Variants in SEPTIN9 observed in about 807,000 individuals in gnomAD.
The protein encoded by SEPTIN9 is septin 9.
A neutral mutation model predicts 56.6 loss-of-function variants in SEPTIN9; 13 were observed. The ratio of observed to expected loss-of-function variants is 0.23; its 90% CI spans 0.15 to 0.37. SEPTIN9 has a LOEUF of 0.37. SEPTIN9 is among the 10% of genes least tolerant of loss of function. The probability of loss-of-function intolerance (pLI) is 1.00; values close to 1 mark genes in which losing one functional copy is unlikely to be tolerated. For missense variants in SEPTIN9, 650 were observed against 823.1 expected (o/e 0.79, Z 2.57); for synonymous variants, 332 against 334.1 (o/e 0.99, Z 0.07).
chr17:77,383,145 C>T (rs1407180907), intron 2 of SEPTIN9, among the ~76,000 whole-genome samples: 2 of 150,514 alleles, frequency 1.3e-5, no homozygotes, highest in Admixed American at 6.6e-5. Context: ...TCTCTCCCTC[C>T]CTCTTTCTTT....
chr17:77,468,722 C>T (rs916091723), intron 3 of SEPTIN9, among the ~76,000 whole-genome samples: 9 of 152,162 alleles, frequency 5.9e-5, no homozygotes, highest in East Asian at 1.9e-4. Context: ...AAACCAGTCA[C>T]GGCTTCATAG....
At chr17:77,309,702 G>A (rs1386902078) in intron 2 of SEPTIN9, among the ~76,000 whole-genome samples, 1 of 151,660 alleles carries the variant, frequency 6.6e-6, no homozygotes, top group African/African-American at 2.4e-5. Flanking sequence ...ATGACACCAT[G>A]ATCAACGCTT....
intron 3 of SEPTIN9, among the ~76,000 whole-genome samples, chr17:77,461,293 G>A (rs2038461987): frequency 6.6e-6 from 1 of 152,068 alleles, no homozygotes; most frequent in Admixed American, 6.6e-5. Context: ...ACGACAGAGT[G>A]AGACTCTGTC....
At chr17:77,410,071 G>A (rs528008884) in intron 3 of SEPTIN9, among the ~76,000 whole-genome samples, 1 of 152,176 alleles carries the variant, frequency 6.6e-6, no homozygotes, top group Non-Finnish European at 1.5e-5. Flanking sequence ...TCAGTCCAAG[G>A]GGGGCTCCTG....
chr17:77,416,228 G>A lies in SEPTIN9; in HGVS notation c.721+13525G>A, dbSNP rs2036503195. ...CCTCACCCTAATCCCAGCTGGAGAGGGTCAAGGGCTGGTGAATTTGGCTTT... is the reference window on the plus strand; with the variant it reads ...CCTCACCCTAATCCCAGCTGGAGAGAGTCAAGGGCTGGTGAATTTGGCTTT... On this transcript the variant is annotated intron_variant, in intron 3 of 11. Coordinates refer to ENST00000427177, the MANE Select transcript of SEPTIN9 (RefSeq NM_001113491.2). Among the ~76,000 whole-genome samples the A allele has an allele frequency of 2.0e-5, 3 of 152,284 alleles. No homozygotes were observed. In the South Asian group the frequency reaches 6.2e-4, roughly 32 times the overall value.
rs564345865 is a variant in SEPTIN9, at chr17:77,443,923, A to G, written c.722-38221A>G. On this transcript the variant is annotated intron_variant, in intron 3 of 11. Transcript: ENST00000427177. ...AAAGGTGGAAATGGGCCCTCCTGCT[A>G]CAGAGACCCACAAACATAGACTGAG... is the stretch of plus-strand genomic sequence containing the variant. Among the ~76,000 whole-genome samples the G allele has an allele frequency of 4.6e-5, 7 of 152,346 alleles. No individual in the cohort carries two copies. The South Asian group carries it at 1.4e-3, about 32-fold the overall frequency.
At position 77,434,560 on chromosome 17, in the gene SEPTIN9, A is replaced by T. The variant is rs1432294415; in HGVS notation, c.721+31857A>T. On this transcript the variant is annotated intron_variant, in intron 3 of 11. Transcript: ENST00000427177. The surrounding 1 kb of genome is among the most constrained non-coding windows in gnomAD (Gnocchi z 5.0). The stretch of plus-strand genomic sequence containing the variant: ...GCAGAGTCCCATTGGCCTGCAGGGG[A>T]CCCTCTGTGGGCTGCAGGTAGTCCC... 2.0e-5 allele frequency among the ~76,000 whole-genome samples: 3 copies of T among 151,732 alleles called. No homozygotes were observed. The highest frequency in any genetic ancestry group is 7.3e-5 in the African/African-American group (3 of 41,246).
At chr17:77,479,871 T>TC (rs2039380306) in intron 3 of SEPTIN9, among the ~76,000 whole-genome samples, 1 of 151,954 alleles carries the variant, frequency 6.6e-6, no homozygotes, top group South Asian at 2.1e-4. Flanking sequence ...GTCACGTGGG[T>TC]GGGGACTGAA....
intron 2 of SEPTIN9, among the ~76,000 whole-genome samples, chr17:77,390,351 A>C (rs1339534424): frequency 1.1e-5 from 1 of 90,320 alleles, no homozygotes; most frequent in African/African-American, 4.2e-5. Context: ...CGTCTTAAAA[A>C]AAAAAAAAAA....
intron 2 of SEPTIN9, among the ~76,000 whole-genome samples, chr17:77,377,952 C>T (rs940909502): frequency 1.3e-5 from 2 of 152,178 alleles, no homozygotes; most frequent in African/African-American, 4.8e-5. Context: ...GTCCCACAGC[C>T]ACTGGCAGCA....
chr17:77,393,612 G>A lies in SEPTIN9; in HGVS notation c.77-8447G>A, dbSNP rs1241602360. ...TTATTTATTTATTTTTATTTGAGAT[G>A]GAGTTGCGCTCTTGTTGCCCAGGAT... is the stretch of plus-strand genomic sequence containing the variant. On this transcript the variant is annotated intron_variant, in intron 2 of 11. Transcript: ENST00000427177. 2.6e-5 allele frequency among the ~76,000 whole-genome samples: 4 copies of A among 152,054 alleles called. No individual in the cohort carries two copies. In the South Asian group the frequency reaches 6.2e-4, roughly 24 times the overall value.
chr17:77,459,375 G>A (rs2038357501), intron 3 of SEPTIN9, among the ~76,000 whole-genome samples: 1 of 152,134 alleles, frequency 6.6e-6, no homozygotes, highest in Non-Finnish European at 1.5e-5. Context: ...TGCTTTTTGG[G>A]CATCCACTCA....
chr17:77,449,959 G>C lies in SEPTIN9; in HGVS notation c.722-32185G>C, dbSNP rs2037901944. ...CCCAGGGCCTTGGATTTCAGTGTTT[G>C]ACTCAGAACCCAGGTCTCTGATCTG... On this transcript the variant is annotated intron_variant, in intron 3 of 11. Coordinates refer to ENST00000427177, the MANE Select transcript of SEPTIN9 (RefSeq NM_001113491.2). This position sits in a 1 kb window ranked among gnomAD's most constrained non-coding sequence, Gnocchi z 4.6. Among the ~76,000 whole-genome samples the C allele has an allele frequency of 6.6e-6, 1 of 152,148 alleles. No individual in the cohort carries two copies. Among genetic ancestry groups the C allele is most frequent in the Non-Finnish European group, 1.5e-5 (1 of 68,038 alleles).
At chr17:77,293,471 AT>A (rs1249193555) in intron 1 of SEPTIN9, among the ~76,000 whole-genome samples, 1 of 152,126 alleles carries the variant, frequency 6.6e-6, no homozygotes, top group Non-Finnish European at 1.5e-5. Context: ...CCACTTGAGC[AT>A]TTAGAACAGA....
chr17:77,430,393 G>A (rs1269960381), intron 3 of SEPTIN9, among the ~76,000 whole-genome samples: 1 of 152,164 alleles, frequency 6.6e-6, no homozygotes, highest in Non-Finnish European at 1.5e-5. Context: ...TGCAGCGGGG[G>A]GTGGAGGAAC....
At chr17:77,366,663 C>T (rs1426802350) in intron 2 of SEPTIN9, among the ~76,000 whole-genome samples, 3 of 152,176 alleles carry the variant, frequency 2.0e-5, no homozygotes, top group Non-Finnish European at 4.4e-5. Flanking sequence ...CCCAGGGTTC[C>T]ATCAGGTTGG....
chr17:77,293,919 C>T (rs577173424), intron 1 of SEPTIN9, among the ~76,000 whole-genome samples: 43 of 151,940 alleles, frequency 2.8e-4, no homozygotes, highest in African/African-American at 7.7e-4. Flanking sequence ...GTCCGGGCAG[C>T]GTGGCGAAAC....
chr17:77,478,468 G>A (rs1046721425), intron 3 of SEPTIN9, among the ~76,000 whole-genome samples: 12 of 152,182 alleles, frequency 7.9e-5, no homozygotes, highest in Non-Finnish European at 1.6e-4. Context: ...GTAGCCAGCG[G>A]GTAGAAACAA....
intron 2 of SEPTIN9, among the ~76,000 whole-genome samples, chr17:77,378,460 C>T (rs2035012713): frequency 1.3e-5 from 2 of 152,176 alleles, no homozygotes; most frequent in African/African-American, 4.8e-5. Flanking sequence ...GAGCACGGGT[C>T]CTGCCTCCTA....
Sources: gnomAD v4.1 joint callset for allele counts (sites outside exome capture counted in the v4.1 genomes callset) on GRCh38, gnomAD v4.1.1 for gene constraint, Gnocchi (gnomAD v3.1) non-coding constraint, MANE v1.5 for transcripts, NCBI Gene and HGNC (gene_info 2026-07-23, HGNC 2026-07-21) for gene names.